The following CIBAR1 variants were observed in gnomAD, a reference collection of about 807,000 sequenced individuals.
The protein encoded by CIBAR1 is CBY1-interacting BAR domain-containing protein 1.
Under a neutral mutation model 44.0 loss-of-function variants are expected in CIBAR1, and 25 were observed. The ratio of observed to expected loss-of-function variants is 0.57; its 90% confidence interval spans 0.41 to 0.79. The LOEUF is 0.79. Ranked by LOEUF, CIBAR1 falls within the 30% of genes least tolerant of loss-of-function variation. The pLI, the probability that CIBAR1 is intolerant of heterozygous loss-of-function variation, is 0.00. For synonymous variants in CIBAR1, 115 were observed against 119.0 expected, an observed-to-expected ratio of 0.97 and a Z score of 0.22; for missense variants, 278 against 344.8, an observed-to-expected ratio of 0.81 and a Z score of 1.53.
At position 93,721,408 on chromosome 8, in the gene CIBAR1, ATTT is replaced by A. The variant is rs1212614913; in HGVS notation, c.657+2625_657+2627del. ...CCTCCTCATCCCAGAGGTCCTAGATATTTTTTTGTCACACCACTTCCTTTATAA... is the reference window on the plus strand; with the variant it reads ...CCTCCTCATCCCAGAGGTCCTAGATATTTTGTCACACCACTTCCTTTATAA... On this transcript the variant is annotated intron_variant, in intron 7 of 8. Coordinates refer to ENST00000518322, the MANE Select transcript of CIBAR1 (RefSeq NM_145269.5). Among the ~76,000 whole-genome samples, 3 of 152,142 alleles carry A rather than the reference ATTT, an allele frequency of 2.0e-5. No individual in the cohort carries two copies. The South Asian group carries it at 6.2e-4, about 32-fold the overall frequency.
At chr8:93,726,756 G>A (rs1238171325) in intron 8 of CIBAR1, 1 of 450,290 alleles carries the variant, frequency 2.2e-6, no homozygotes, top group Non-Finnish European at 4.0e-6. Flanking sequence ...AAGTGGAAAA[G>A]ACAAAAGAAT....
chr8:93,709,579 A>G, intron 5 of CIBAR1, 192 bp from the exon 6 acceptor site: 1 of 516,930 alleles, frequency 1.9e-6, no homozygotes, highest in Admixed American at 3.3e-5. Context: ...GAATCATATC[A>G]CTAAATAAAG....
chr8:93,704,369 T>C (rs1403111344), intron 3 of CIBAR1, among the ~76,000 whole-genome samples: 2 of 152,234 alleles, frequency 1.3e-5, no homozygotes, highest in Non-Finnish European at 2.9e-5. Flanking sequence ...CCAACCATTT[T>C]GGCACCAGGG....
At chr8:93,703,731 CAA>C in intron 3 of CIBAR1, 43 bp downstream of exon 3, 1 of 1,456,928 alleles carries the variant, frequency 6.9e-7, no homozygotes, top group South Asian at 1.3e-5. Flanking sequence ...GTTACTCTGG[CAA>C]AGACTATGAG....
chr8:93,702,016 C>A, intron 2 of CIBAR1: 1 of 231,230 alleles, frequency 4.3e-6, no homozygotes, highest in Non-Finnish European at 8.7e-6. Context: ...GAGAAGTGTC[C>A]TTGTGATTGT....
chr8:93,722,220 C>A (rs895858638), intron 7 of CIBAR1, among the ~76,000 whole-genome samples: 12 of 152,170 alleles, frequency 7.9e-5, no homozygotes, highest in African/African-American at 2.9e-4. Context: ...AGGAAAGATC[C>A]TGTAAATACA....
intron 6 of CIBAR1, among the ~76,000 whole-genome samples, chr8:93,711,120 T>C (rs763741744): frequency 2.0e-5 from 3 of 152,172 alleles, no homozygotes; most frequent in Non-Finnish European, 4.4e-5. Flanking sequence ...TTTGAAACTT[T>C]CTTGGGGATC....
Position 93,705,103 on chromosome 8 carries a change from G to A in CIBAR1, c.432+93G>A, listed in dbSNP as rs549386323. The A allele has an allele frequency of 4.6e-5, 36 of 781,262 alleles. 1 individual carries two copies. The highest frequency in any genetic ancestry group is 1.8e-4 in the South Asian group (11 of 59,472). The allele number at this position is 781,262 out of a possible 1,614,324, so 48.4% of individuals were successfully genotyped here. A position where few individuals can be genotyped will look rare whatever the true frequency, so the allele number is the denominator to read the frequency against. On this transcript the variant is annotated intron_variant, in intron 4 of 8. Coordinates refer to ENST00000518322, the MANE Select transcript of CIBAR1 (RefSeq NM_145269.5). ...AAATTGTGCATTTTTACTTTTAAAC[G>A]AGTAGAGAATTTGAATATAAAGATT...
chr8:93,706,365 A>G (rs1464406977), intron 4 of CIBAR1, among the ~76,000 whole-genome samples: 1 of 142,056 alleles, frequency 7.0e-6, no homozygotes, highest in Non-Finnish European at 1.5e-5. Context: ...AGAATGCTGG[A>G]AAATTTATGA....
chr8:93,726,573 C>G, intron 8 of CIBAR1, 60 bp downstream of exon 8: 2 of 1,585,994 alleles, frequency 1.3e-6, no homozygotes, highest in Middle Eastern at 1.7e-4. Context: ...TTGTTGAGTT[C>G]TAAAAATGTT....
At chr8:93,726,984 C>A (rs1481484038) in intron 8 of CIBAR1, 5 of 415,070 alleles carry the variant, frequency 1.2e-5, no homozygotes, top group Middle Eastern at 3.9e-4. Flanking sequence ...CAGGGGCTGA[C>A]AAACTTTTTC....
intron 8 of CIBAR1, 115 bp from the exon 9 acceptor site, chr8:93,728,090 G>T: frequency 2.0e-6 from 1 of 504,150 alleles, no homozygotes; most frequent in Non-Finnish European, 3.2e-6. Context: ...TTATGACATG[G>T]ACATTTTTTT....
intron 7 of CIBAR1, chr8:93,719,865 T>C (rs1009127692): frequency 2.0e-5 from 3 of 151,926 alleles, no homozygotes; most frequent in African/African-American, 7.3e-5. Context: ...ATCTCTAATA[T>C]AGAAGTGAAA....
intron 7 of CIBAR1, 60 bp from the exon 8 acceptor site, chr8:93,726,334 T>C (rs1348669607): frequency 1.1e-5 from 15 of 1,423,902 alleles, no homozygotes; most frequent in African/African-American, 7.3e-5. Context: ...AGGAACTTAA[T>C]TTGACTGTCT....
At chr8:93,705,068 A>C (rs560440392) in intron 4 of CIBAR1, 58 bp downstream of exon 4, 3 of 1,091,698 alleles carry the variant, frequency 2.7e-6, no homozygotes, top group Non-Finnish European at 4.2e-6. Flanking sequence ...ACAAAAGTAA[A>C]TGTATATAGA....
intron 2 of CIBAR1, chr8:93,702,664 C>T: frequency 3.6e-6 from 1 of 279,346 alleles, no homozygotes; most frequent in South Asian, 3.5e-5. Context: ...TTTAGGATTC[C>T]TAATATTTGA....
In CIBAR1 at chr8:93,726,442, A is replaced by G; in HGVS notation, c.706A>G (p.Ile236Val). 1 of 1,613,650 alleles carries G rather than the reference A, an allele frequency of 6.2e-7. No homozygotes were observed. The highest frequency in any genetic ancestry group is 8.5e-7 in the Non-Finnish European group (1 of 1,179,650). ...YAPDYSSRLD[I>V]VRANSKSPLQ... ...ACCAGATTATTCATCTCGTTTAGAT[A>G]TTGTAAGAGCAAATTCAAAGTCACC... Residue 236 changes from isoleucine to valine, a missense_variant, in exon 8 of 9, where the codon ATT becomes GTT. Physicochemically the swap from Ile to Val is conservative, Grantham distance 29 (BLOSUM62 3). Coordinates refer to ENST00000518322, the MANE Select transcript of CIBAR1 (RefSeq NM_145269.5).
chr8:93,726,109 G>A, intron 7 of CIBAR1: 1 of 282,442 alleles, frequency 3.5e-6, no homozygotes, highest in Non-Finnish European at 6.7e-6. Context: ...GCTCTTTGAG[G>A]GTCTCAACTT....
intron 6 of CIBAR1, among the ~76,000 whole-genome samples, chr8:93,710,668 T>C (rs1424920321): frequency 2.0e-5 from 3 of 151,888 alleles, no homozygotes; most frequent in African/African-American, 7.3e-5. Context: ...ACTCCATCTC[T>C]ACTAAAAATA....
Sources: gnomAD v4.1 joint callset for allele counts (sites outside exome capture counted in the v4.1 genomes callset) on GRCh38, gnomAD v4.1.1 for gene constraint, MANE v1.5 for transcripts, NCBI Gene and HGNC (gene_info 2026-07-23, HGNC 2026-07-21) for gene names.